Variants in CTNNA3 observed in about 807,000 individuals in gnomAD.
CTNNA3 encodes the protein catenin alpha-3.
In CTNNA3, 76 loss-of-function variants were observed where a neutral mutation model predicts 95.7. The observed-to-expected ratio is 0.79, with a 90% CI of 0.66 to 0.96. The LOEUF (loss-of-function observed/expected upper bound fraction) is 0.96, where lower values mean the gene tolerates loss of function less well. Among genes scored for constraint, CTNNA3 ranks in the 40% least tolerant of loss-of-function variants. The probability of loss-of-function intolerance (pLI) is 0.00; values close to 1 mark genes in which losing one functional copy is unlikely to be tolerated. For synonymous variants in CTNNA3, 431 were observed against 374.4 expected (o/e 1.15, Z -1.74); for missense variants, 1,191 against 1,089.8 (o/e 1.09, Z -1.31).
intron 5 of CTNNA3, among the ~76,000 whole-genome samples, chr10:67,449,502 G>A (rs1362901021): frequency 6.6e-6 from 1 of 151,908 alleles, no homozygotes; most frequent in Non-Finnish European, 1.5e-5. Context: ...CAGAAATAAT[G>A]CTGTATACCT....
chr10:66,014,340 G>A (rs1043746439), intron 15 of CTNNA3, among the ~76,000 whole-genome samples: 1 of 146,008 alleles, frequency 6.8e-6, no homozygotes, highest in Non-Finnish European at 1.5e-5. Context: ...TAGCTTCAAT[G>A]GGTGCCATTT....
In CTNNA3 at chr10:67,417,244, T is replaced by C. The variant is rs137875085; in HGVS notation, c.579+104598A>G. ...TGCACTTATAAGTGGGAGCTAAGCC[T>C]TGTGCACACATGGACATCAGTATGG... On this transcript the variant is annotated intron_variant, in intron 5 of 17. Transcript: ENST00000433211. Among the ~76,000 whole-genome samples the C allele has an allele frequency of 1.2e-4, 18 of 152,236 alleles. No homozygotes were observed. The East Asian group carries it at 3.3e-3, about 28-fold the overall frequency.
intron 7 of CTNNA3, among the ~76,000 whole-genome samples, chr10:67,130,006 A>G (rs1411247702): frequency 6.6e-6 from 1 of 152,194 alleles, no homozygotes; most frequent in Non-Finnish European, 1.5e-5. Flanking sequence ...ATAAAATGAA[A>G]AAGAGAATGT....
intron 13 of CTNNA3, among the ~76,000 whole-genome samples, chr10:66,194,984 A>G (rs2086878329): frequency 6.6e-6 from 1 of 152,200 alleles, no homozygotes; most frequent in Non-Finnish European, 1.5e-5. Context: ...ATGAAGTACA[A>G]CCGAGGATGC....
intron 5 of CTNNA3, among the ~76,000 whole-genome samples, chr10:67,506,888 G>A (rs989826379): frequency 1.3e-5 from 2 of 152,186 alleles, no homozygotes; most frequent in African/African-American, 4.8e-5. Flanking sequence ...ATACCAGACA[G>A]TCCCATGATC....
rs892039624 is a variant in CTNNA3, at chr10:65,975,564, G to T, written c.2266-8818C>A. On this transcript the variant is annotated intron_variant, in intron 16 of 17. Transcript: ENST00000433211. ...ACGCAAATATTTTCCCCAATTTACA[G>T]ATGTGAAATTACCTAAAACGATGAA... 1.6e-4 allele frequency among the ~76,000 whole-genome samples: 25 copies of T among 152,212 alleles called. No individual in the cohort carries two copies. The East Asian group carries it at 4.6e-3, about 28-fold the overall frequency.
chr10:66,839,942 G>A (rs1180935444), intron 7 of CTNNA3, among the ~76,000 whole-genome samples: 1 of 152,116 alleles, frequency 6.6e-6, no homozygotes, highest in Non-Finnish European at 1.5e-5. Flanking sequence ...AAATTTAGAT[G>A]TTTGAAGTAT....
At chr10:66,824,926 T>C (rs751550777) in intron 7 of CTNNA3, among the ~76,000 whole-genome samples, 2 of 152,084 alleles carry the variant, frequency 1.3e-5, no homozygotes, top group Non-Finnish European at 2.9e-5. Context: ...GCCAGTTTCT[T>C]AATTTTGACA....
intron 3 of CTNNA3, among the ~76,000 whole-genome samples, chr10:67,541,060 T>C (rs1215245941): frequency 1.3e-5 from 2 of 151,988 alleles, no homozygotes; most frequent in Admixed American, 6.6e-5. Context: ...CAGGCCCCTA[T>C]TGAACACATA....
intron 13 of CTNNA3, among the ~76,000 whole-genome samples, chr10:66,194,161 G>A (rs751920098): frequency 4.6e-5 from 7 of 152,130 alleles, no homozygotes; most frequent in African/African-American, 7.2e-5. Context: ...TGACCTGGGA[G>A]ACACTTTTTA....
At chr10:66,097,544 G>A (rs2081446930) in intron 14 of CTNNA3, among the ~76,000 whole-genome samples, 1 of 151,994 alleles carries the variant, frequency 6.6e-6, no homozygotes, top group Admixed American at 6.6e-5. Context: ...AAGGTCATAT[G>A]GACAGTAATT....
chr10:67,026,772 T>C (rs1382759897), intron 7 of CTNNA3, among the ~76,000 whole-genome samples: 1 of 152,200 alleles, frequency 6.6e-6, no homozygotes, highest in Non-Finnish European at 1.5e-5. Flanking sequence ...AAGAGTTGAT[T>C]GACATAAGGA....
chr10:66,095,558 T>G (rs967577575), intron 14 of CTNNA3, among the ~76,000 whole-genome samples: 13 of 152,140 alleles, frequency 8.5e-5, no homozygotes, highest in Non-Finnish European at 1.6e-4. Flanking sequence ...TTATGGCCTG[T>G]TAAAATGTTT....
At chr10:66,237,071 A>G (rs931237113) in intron 13 of CTNNA3, among the ~76,000 whole-genome samples, 6 of 152,198 alleles carry the variant, frequency 3.9e-5, no homozygotes, top group Non-Finnish European at 7.3e-5. Flanking sequence ...CAAGCCTGCC[A>G]TGAGCTTATG....
intron 7 of CTNNA3, among the ~76,000 whole-genome samples, chr10:67,016,009 C>T (rs770396778): frequency 1.2e-4 from 17 of 143,346 alleles, no homozygotes; most frequent in Non-Finnish European, 2.5e-4. Context: ...TCTGTTTTCA[C>T]TGCTTTTATT....
rs79968710 is a variant in CTNNA3, at chr10:66,244,262, G to A, written c.1884+36208C>T. Among the ~76,000 whole-genome samples, 768 of 152,270 alleles carry A rather than the reference G, an allele frequency of 5.0e-3. 12 individuals are homozygous for A. Among genetic ancestry groups the A allele is most frequent in the African/African-American group, 0.017 (720 of 41,560 alleles). Reference sequence around the variant, plus strand: ...ATAGAACATCAGGTAGATTTCTAACGTTTTTTACTTCAATCCCTGGCTTCC... The same window carrying A: ...ATAGAACATCAGGTAGATTTCTAACATTTTTTACTTCAATCCCTGGCTTCC... On this transcript the variant is annotated intron_variant, in intron 13 of 17. Coordinates refer to ENST00000433211, the MANE Select transcript of CTNNA3 (RefSeq NM_013266.4).
intron 11 of CTNNA3, among the ~76,000 whole-genome samples, chr10:66,445,902 A>G (rs1331762335): frequency 2.0e-5 from 3 of 152,182 alleles, no homozygotes; most frequent in Admixed American, 2.0e-4. Flanking sequence ...TTTTGAAAAG[A>G]TCAACAAAAT....
At chr10:67,644,709 T>C (rs1404672473) in intron 2 of CTNNA3, among the ~76,000 whole-genome samples, 2 of 151,976 alleles carry the variant, frequency 1.3e-5, no homozygotes, top group African/African-American at 4.8e-5. Context: ...TTTAGTTAAA[T>C]AGAATTCTGC....
intron 11 of CTNNA3, among the ~76,000 whole-genome samples, chr10:66,464,617 G>C (rs1294918156): frequency 6.6e-6 from 1 of 151,974 alleles, no homozygotes; most frequent in Non-Finnish European, 1.5e-5. Flanking sequence ...ACAAAAATTA[G>C]CTGGGTGTGG....
Sources: gnomAD v4.1 joint callset for allele counts (sites outside exome capture counted in the v4.1 genomes callset) on GRCh38, gnomAD v4.1.1 for gene constraint, MANE v1.5 for transcripts, NCBI Gene and HGNC (gene_info 2026-07-23, HGNC 2026-07-21) for gene names.